The following TAF4B variants were observed in gnomAD, a reference collection of about 807,000 sequenced individuals.
The protein encoded by TAF4B is TATA-box binding protein associated factor 4b.
TAF4B carries 38 observed loss-of-function variants against 86.4 expected under a neutral mutation model. The ratio of observed to expected loss-of-function variants is 0.44; its 90% CI spans 0.34 to 0.58. TAF4B has a LOEUF of 0.58. Ranked by LOEUF, TAF4B falls within the 20% of genes least tolerant of loss-of-function variation. The pLI is 0.02. For synonymous variants in TAF4B, 388 were observed against 391.2 expected, an observed-to-expected ratio of 0.99 and a Z score of 0.10; for missense variants, 988 against 1,027.6, an observed-to-expected ratio of 0.96 and a Z score of 0.53.
At chr18:26,281,269 A>AT (rs1331354644) in intron 5 of TAF4B, among the ~76,000 whole-genome samples, 2 of 150,116 alleles carry the variant, frequency 1.3e-5, no homozygotes, top group Non-Finnish European at 3.0e-5. Flanking sequence ...ATAAAAGCTG[A>AT]ATTTTTTTTT....
chr18:26,301,045 C>T (rs965785260), intron 9 of TAF4B, among the ~76,000 whole-genome samples: 3 of 152,140 alleles, frequency 2.0e-5, no homozygotes, highest in Admixed American at 1.3e-4. Flanking sequence ...CATCATCCAA[C>T]GGTTGACTTA....
At chr18:26,289,259 A>G in intron 7 of TAF4B, among the ~76,000 whole-genome samples, 1 of 152,208 alleles carries the variant, frequency 6.6e-6, no homozygotes, top group East Asian at 1.9e-4. Flanking sequence ...AGTGAGGAGG[A>G]AAACACTCAA....
intron 1 of TAF4B, among the ~76,000 whole-genome samples, chr18:26,235,146 A>G (rs1194229593): frequency 6.6e-6 from 1 of 152,126 alleles, no homozygotes; most frequent in Non-Finnish European, 1.5e-5. Flanking sequence ...TGGAGCTTGT[A>G]CTAGGGCCTG....
chr18:26,253,734 A>G (rs1026870960), intron 1 of TAF4B, among the ~76,000 whole-genome samples: 4 of 152,102 alleles, frequency 2.6e-5, no homozygotes, highest in Non-Finnish European at 5.9e-5. Context: ...TTTTGATTCA[A>G]TATCTTCATT....
chr18:26,386,430 T>C (rs1978369962), intron 14 of TAF4B, among the ~76,000 whole-genome samples: 1 of 152,198 alleles, frequency 6.6e-6, no homozygotes. Flanking sequence ...ATTTTTTTTA[T>C]TGAAATATAG....
chr18:26,263,592 T>C (rs1287121114), intron 1 of TAF4B, among the ~76,000 whole-genome samples: 1 of 152,238 alleles, frequency 6.6e-6, no homozygotes, highest in Non-Finnish European at 1.5e-5. Context: ...TATTACCTGA[T>C]GGTGTCTTTT....
intron 13 of TAF4B, among the ~76,000 whole-genome samples, chr18:26,352,022 A>G (rs1042907787): frequency 1.3e-5 from 2 of 152,136 alleles, no homozygotes; most frequent in African/African-American, 4.8e-5. Context: ...ACTAAAAATT[A>G]ATATAAAACA....
intron 9 of TAF4B, chr18:26,295,200 C>T (rs938102177): frequency 2.9e-5 from 12 of 411,398 alleles, no homozygotes; most frequent in South Asian, 1.4e-4. Flanking sequence ...TGTAGGTCTA[C>T]TTTTATATGC....
chr18:26,260,017 C>G (rs1412346297), intron 1 of TAF4B, among the ~76,000 whole-genome samples: 2 of 152,242 alleles, frequency 1.3e-5, no homozygotes, highest in East Asian at 3.9e-4. Flanking sequence ...TTTCGATTTG[C>G]ATTTGTCTGA....
chr18:26,319,821 A>G (rs1568150926), intron 10 of TAF4B, among the ~76,000 whole-genome samples: 4 of 152,046 alleles, frequency 2.6e-5, no homozygotes, highest in Admixed American at 6.6e-5. Flanking sequence ...AACTCCTGAC[A>G]TCAGGTGATC....
At chr18:26,243,964 C>T (rs952339874) in intron 1 of TAF4B, among the ~76,000 whole-genome samples, 1 of 152,210 alleles carries the variant, frequency 6.6e-6, no homozygotes, top group African/African-American at 2.4e-5. Flanking sequence ...CAGAGGGGCA[C>T]CTGGCTGTAT....
intron 13 of TAF4B, among the ~76,000 whole-genome samples, chr18:26,343,042 T>C (rs2057148415): frequency 6.6e-6 from 1 of 152,202 alleles, no homozygotes; most frequent in Non-Finnish European, 1.5e-5. Context: ...AACAGATGCA[T>C]GGAGCAGCTA....
intron 1 of TAF4B, among the ~76,000 whole-genome samples, chr18:26,240,222 A>G (rs1295810611): frequency 6.6e-6 from 1 of 152,232 alleles, no homozygotes; most frequent in African/African-American, 2.4e-5. Flanking sequence ...ATCCATGAGC[A>G]TGGAATGTTC....
intron 1 of TAF4B, among the ~76,000 whole-genome samples, chr18:26,235,530 A>T (rs538659387): frequency 6.6e-6 from 1 of 152,288 alleles, no homozygotes; most frequent in Admixed American, 6.5e-5. Context: ...CCAAACTGGT[A>T]TCCAAAAGTA....
chr18:26,274,562 C>T, intron 3 of TAF4B, 101 bp from the exon 4 acceptor site: 3 of 1,321,010 alleles, frequency 2.3e-6, no homozygotes, highest in Non-Finnish European at 1.1e-6. Flanking sequence ...TAACATAAAA[C>T]CACAGATGTC....
chr18:26,236,790 G>A (rs2055754527), intron 1 of TAF4B, among the ~76,000 whole-genome samples: 1 of 152,086 alleles, frequency 6.6e-6, no homozygotes, highest in African/African-American at 2.4e-5. Context: ...ATAGAACACT[G>A]AGGTTGCCAG....
At chr18:26,347,674 G>A (rs190207966) in intron 13 of TAF4B, among the ~76,000 whole-genome samples, 9 of 152,224 alleles carry the variant, frequency 5.9e-5, no homozygotes, top group South Asian at 2.1e-4. Context: ...GTATACTGCC[G>A]ACAGTAAATT....
intron 12 of TAF4B, among the ~76,000 whole-genome samples, 189 bp from the exon 13 acceptor site, chr18:26,334,986 C>G (rs2057079394): frequency 6.6e-6 from 1 of 152,170 alleles, no homozygotes; most frequent in Admixed American, 6.5e-5. Flanking sequence ...AGAACTGCAG[C>G]AGCCAGCCCA....
At chr18:26,290,117 G>A (rs143415136) in intron 7 of TAF4B, among the ~76,000 whole-genome samples, 2,183 of 152,144 alleles carry the variant, frequency 0.014, 23 homozygotes, top group Middle Eastern at 0.024. Context: ...TATTCGGGGA[G>A]GTAAAGGAAG....
Sources: gnomAD v4.1 joint callset for allele counts (sites outside exome capture counted in the v4.1 genomes callset) on GRCh38, gnomAD v4.1.1 for gene constraint, MANE v1.5 for transcripts, NCBI Gene and HGNC (gene_info 2026-07-23, HGNC 2026-07-21) for gene names.